Variants in AFF3 observed in about 807,000 individuals in gnomAD.
The protein encoded by AFF3 is AF4/FMR2 family member 3.
AFF3 carries 32 observed loss-of-function variants against 129.7 expected under a neutral mutation model. That is an observed-to-expected ratio of 0.25 (90% CI 0.19 to 0.33). The LOEUF is 0.33. AFF3 is among the 10% of genes least tolerant of loss of function. The pLI, the probability that AFF3 is intolerant of heterozygous loss-of-function variation, is 1.00. For missense variants in AFF3, 1,373 were observed against 1,592.0 expected, an observed-to-expected ratio of 0.86 and a Z score of 2.34; for synonymous variants, 644 against 635.4, an observed-to-expected ratio of 1.01 and a Z score of -0.20.
At chr2:100,028,601 A>G (rs1684238350) in intron 4 of AFF3, among the ~76,000 whole-genome samples, 1 of 152,170 alleles carries the variant, frequency 6.6e-6, no homozygotes, top group South Asian at 2.1e-4. Flanking sequence ...AAAATCTAAA[A>G]GACCACTAAG....
intron 7 of AFF3, among the ~76,000 whole-genome samples, chr2:99,875,606 T>C (rs372231634): frequency 2.8e-4 from 42 of 152,288 alleles, no homozygotes; most frequent in African/African-American, 1.0e-3. Context: ...GATCTGGCAG[T>C]GGGCATTCAA....
In AFF3 at chr2:99,594,713, T is replaced by C. The variant is rs185294912; in HGVS notation, c.1372-424A>G. On this transcript the variant is annotated intron_variant, in intron 14 of 24. Transcript: ENST00000672756. ...TGTTTTTTTGGTGAGACTTAAAACT[T>C]TGGGGAGATCTGAAGGGGGACTAAG... is the stretch of plus-strand genomic sequence containing the variant. Among the ~76,000 whole-genome samples, 100 of 152,234 alleles carry C rather than the reference T, an allele frequency of 6.6e-4. 1 individual carries two copies. Among genetic ancestry groups the C allele is most frequent in the African/African-American group, 2.2e-3 (92 of 41,536 alleles).
intron 7 of AFF3, among the ~76,000 whole-genome samples, chr2:99,904,759 A>G (rs1694590291): frequency 6.6e-6 from 1 of 152,128 alleles, no homozygotes; most frequent in Non-Finnish European, 1.5e-5. Flanking sequence ...AGGGGAAGAT[A>G]ATCCCGAATG....
intron 13 of AFF3, among the ~76,000 whole-genome samples, chr2:99,622,561 T>C (rs1247299265): frequency 2.0e-5 from 3 of 152,258 alleles, no homozygotes; most frequent in Non-Finnish European, 4.4e-5. Flanking sequence ...CCAATAAGTC[T>C]GAGTTCTGCG....
intron 8 of AFF3, among the ~76,000 whole-genome samples, chr2:99,808,280 C>T (rs1686513138): frequency 6.6e-6 from 1 of 152,084 alleles, no homozygotes. Flanking sequence ...GTGAACAAGG[C>T]AGAATCAAGA....
At chr2:99,795,901 A>G (rs1347877002) in intron 8 of AFF3, among the ~76,000 whole-genome samples, 7 of 152,118 alleles carry the variant, frequency 4.6e-5, no homozygotes, top group Non-Finnish European at 1.0e-4. Context: ...GTTTTTGAGA[A>G]AGTGAGAGAA....
intron 7 of AFF3, among the ~76,000 whole-genome samples, chr2:99,874,203 G>T (rs1692109046): frequency 6.6e-6 from 1 of 152,060 alleles, no homozygotes; most frequent in Non-Finnish European, 1.5e-5. Flanking sequence ...TCTACTCACT[G>T]TAATTTCCCC....
At chr2:99,689,997 G>A (rs1675446102) in intron 11 of AFF3, among the ~76,000 whole-genome samples, 1 of 149,538 alleles carries the variant, frequency 6.7e-6, no homozygotes, top group Non-Finnish European at 1.5e-5. Context: ...TGGGACAGGA[G>A]AATTGCTTGA....
At chr2:99,559,636 T>C (rs1043113520) in intron 21 of AFF3, among the ~76,000 whole-genome samples, 1 of 152,248 alleles carries the variant, frequency 6.6e-6, no homozygotes, top group African/African-American at 2.4e-5. Flanking sequence ...AAGGCGTTTC[T>C]GAGACTTATC....
At chr2:99,985,380 T>C (rs901263138) in intron 7 of AFF3, among the ~76,000 whole-genome samples, 1 of 152,238 alleles carries the variant, frequency 6.6e-6, no homozygotes, top group African/African-American at 2.4e-5. Flanking sequence ...CCCATTTCTT[T>C]TACTCATAAA....
intron 12 of AFF3, among the ~76,000 whole-genome samples, chr2:99,650,006 C>T (rs1685088467): frequency 6.6e-6 from 1 of 152,158 alleles, no homozygotes; most frequent in African/African-American, 2.4e-5. Flanking sequence ...TTTCCCATTG[C>T]TTTATTGTCC....
intron 10 of AFF3, among the ~76,000 whole-genome samples, chr2:99,736,401 G>A (rs1426146754): frequency 6.6e-6 from 1 of 151,884 alleles, no homozygotes; most frequent in Non-Finnish European, 1.5e-5. Flanking sequence ...TATTTTTCTG[G>A]TATCAGAATA....
At chr2:99,792,057 C>T (rs1685235419) in intron 8 of AFF3, among the ~76,000 whole-genome samples, 1 of 152,046 alleles carries the variant, frequency 6.6e-6, no homozygotes, top group Non-Finnish European at 1.5e-5. Flanking sequence ...ACACATACAA[C>T]AAGGTTATAT....
At chr2:100,076,727 CG>C (rs1470999261) in intron 4 of AFF3, among the ~76,000 whole-genome samples, 1 of 152,082 alleles carries the variant, frequency 6.6e-6, no homozygotes, top group African/African-American at 2.4e-5. Flanking sequence ...TACAAGGGAC[CG>C]GAACAGTAAA....
At chr2:99,871,827 A>C (rs1317962242) in intron 7 of AFF3, among the ~76,000 whole-genome samples, 1 of 152,158 alleles carries the variant, frequency 6.6e-6, no homozygotes, top group East Asian at 1.9e-4. Flanking sequence ...CACACAATAC[A>C]TGACAAAGCC....
intron 12 of AFF3, among the ~76,000 whole-genome samples, chr2:99,668,666 G>C (rs1035248343): frequency 2.0e-5 from 3 of 151,864 alleles, no homozygotes; most frequent in Non-Finnish European, 4.4e-5. Context: ...AGGTTCAAGC[G>C]ATTCTCCTGC....
chr2:99,864,285 TCTGGGTCC>T (rs1185795232), intron 7 of AFF3, among the ~76,000 whole-genome samples: 26 of 152,280 alleles, frequency 1.7e-4, no homozygotes, highest in African/African-American at 6.3e-4. Flanking sequence ...GGACCTCCAT[TCTGGGTCC>T]CTGATAAGTT....
intron 7 of AFF3, among the ~76,000 whole-genome samples, chr2:99,942,672 G>A (rs1675170633): frequency 6.6e-6 from 1 of 151,912 alleles, no homozygotes; most frequent in Admixed American, 6.5e-5. Context: ...TTAGAGGGTG[G>A]TGCTCATGGC....
intron 11 of AFF3, among the ~76,000 whole-genome samples, chr2:99,715,522 A>G (rs1339843436): frequency 6.6e-6 from 1 of 152,196 alleles, no homozygotes; most frequent in Non-Finnish European, 1.5e-5. Flanking sequence ...CAGTTATAAG[A>G]CTTATAATGC....
Sources: gnomAD v4.1 joint callset for allele counts (sites outside exome capture counted in the v4.1 genomes callset) on GRCh38, gnomAD v4.1.1 for gene constraint, MANE v1.5 for transcripts, NCBI Gene and HGNC (gene_info 2026-07-23, HGNC 2026-07-21) for gene names.